TTC22: variants seen among roughly 807,000 people sequenced by gnomAD.
The protein encoded by TTC22 is tetratricopeptide repeat domain 22.
Under a neutral mutation model 48.2 loss-of-function variants are expected in TTC22, and 42 were observed. That is an observed-to-expected ratio of 0.87 (90% CI 0.68 to 1.13). The LOEUF is 1.13. TTC22 is among the 50% of genes most tolerant of loss of function. The probability of loss-of-function intolerance (pLI) is 0.00; values close to 1 mark genes in which losing one functional copy is unlikely to be tolerated. For missense variants in TTC22, 784 were observed against 807.0 expected, an observed-to-expected ratio of 0.97 and a Z score of 0.34; for synonymous variants, 345 against 365.5, an observed-to-expected ratio of 0.94 and a Z score of 0.64.
Position 54,786,141 on chromosome 1 carries a change from T to C in TTC22, c.862A>G (p.Ile288Val). The change falls in exon 5 of 7, where the codon ATT becomes GTT. Residue 288 changes from isoleucine to valine, a missense_variant. Ile to Val is a conservative substitution (Grantham distance 29, BLOSUM62 3). Transcript: ENST00000371276. ...GGAGGTTGGTTCTTGGCAATCTCAA[T>C]GGCCTAGGTAAGGGAGGAGTGCAAA... ...TDPLDCFGKA[I>V]EIAKNQPPIL... 1.2e-6 allele frequency: 2 copies of C among 1,613,936 alleles called. No homozygotes were observed. Among genetic ancestry groups the C allele is most frequent in the South Asian group, 1.1e-5 (1 of 91,066 alleles).
chr1:54,786,177 T>G (rs770234675), intron 4 of TTC22, 33 bp from the exon 5 acceptor site: 2 of 1,607,680 alleles, frequency 1.2e-6, no homozygotes, highest in South Asian at 2.2e-5. Flanking sequence ...AACAAACCAC[T>G]TGCTTGGTCA....
chr1:54,792,324 G>C (rs1412706675), intron 1 of TTC22, among the ~76,000 whole-genome samples: 1 of 152,212 alleles, frequency 6.6e-6, no homozygotes, highest in African/African-American at 2.4e-5. Context: ...GGGATACACA[G>C]ACCTAGTCAG....
At chr1:54,795,165 T>A (rs1476836611) in intron 1 of TTC22, among the ~76,000 whole-genome samples, 9 of 152,176 alleles carry the variant, frequency 5.9e-5, no homozygotes, top group Non-Finnish European at 1.0e-4. Context: ...TGCCTCTCAC[T>A]CCTCTAGGGG....
At chr1:54,798,600 A>C (rs1646410054) in intron 1 of TTC22, among the ~76,000 whole-genome samples, 1 of 152,154 alleles carries the variant, frequency 6.6e-6, no homozygotes, top group Non-Finnish European at 1.5e-5. Context: ...GTCCCTTTGG[A>C]CCATTCCCAG....
chr1:54,788,220 A>T, intron 1 of TTC22, 123 bp from the exon 2 acceptor site: 6 of 914,594 alleles, frequency 6.6e-6, no homozygotes, highest in Middle Eastern at 2.2e-4. Flanking sequence ...TTTGACCTTA[A>T]ACACCTTTGA....
At position 54,801,016 on chromosome 1, in the gene TTC22, G is replaced by T; in HGVS notation, c.148C>A (p.Arg50=). The T allele has an allele frequency of 6.2e-7, 1 of 1,610,364 alleles. No individual in the cohort carries two copies. Among genetic ancestry groups the T allele is most frequent in the Non-Finnish European group, 8.5e-7 (1 of 1,179,194 alleles). Reference sequence around the variant, plus strand: ...TGGAGCTCCTGCCGCAGACCCTCCCGCTGCAGCTTCAGGTCCCGGGCGCGC... The same window carrying T: ...TGGAGCTCCTGCCGCAGACCCTCCCTCTGCAGCTTCAGGTCCCGGGCGCGC... ...PQRARDLKLQ[R]EGLRQELQLA... Residue 50 remains arginine (R), a synonymous_variant, in exon 1 of 7, where the codon CGG becomes AGG. Coordinates refer to ENST00000371276, the MANE Select transcript of TTC22 (RefSeq NM_001114108.2).
At chr1:54,785,921 C>A (rs1646296488) in intron 5 of TTC22, 62 bp downstream of exon 5, 2 of 1,541,890 alleles carry the variant, frequency 1.3e-6, no homozygotes, top group Non-Finnish European at 1.8e-6. Flanking sequence ...AGGGTCTTGG[C>A]CTCTGGCCCT....
At chr1:54,786,288 C>A (rs1251074648) in intron 4 of TTC22, 144 bp from the exon 5 acceptor site, 6 of 700,794 alleles carry the variant, frequency 8.6e-6, no homozygotes, top group Admixed American at 5.8e-5. Flanking sequence ...CCTTATCCAC[C>A]TGCCAGTAAG....
At chr1:54,782,551 C>A in intron 5 of TTC22, 74 bp from the exon 6 acceptor site, 2 of 1,408,906 alleles carry the variant, frequency 1.4e-6, no homozygotes, top group Non-Finnish European at 9.4e-7. Flanking sequence ...TCTAAATGAA[C>A]CCAGTCTTTT....
intron 1 of TTC22, among the ~76,000 whole-genome samples, chr1:54,793,712 T>G (rs1646369541): frequency 6.6e-6 from 1 of 152,204 alleles, no homozygotes; most frequent in African/African-American, 2.4e-5. Flanking sequence ...ATAGCAACTT[T>G]TGAACACTTA....
rs746584424 is a variant in TTC22 at position 54,801,014 on chromosome 1, C to G, written c.150G>C (p.Arg50=). The change falls in exon 1 of 7, where the codon CGG becomes CGC. Residue 50 remains arginine, a synonymous_variant. Coordinates refer to ENST00000371276, the MANE Select transcript of TTC22 (RefSeq NM_001114108.2). The part of the protein sequence containing the change: ...PQRARDLKLQ[R]EGLRQELQLA... ...GCTGGAGCTCCTGCCGCAGACCCTC[C>G]CGCTGCAGCTTCAGGTCCCGGGCGC... is the stretch of plus-strand genomic sequence containing the variant. 9.9e-6 allele frequency: 16 copies of G among 1,610,274 alleles called. No individual in the cohort carries two copies. Among genetic ancestry groups the G allele is most frequent in the African/African-American group, 2.7e-5 (2 of 74,870 alleles).
At chr1:54,797,702 C>T (rs923479532) in intron 1 of TTC22, among the ~76,000 whole-genome samples, 2 of 152,190 alleles carry the variant, frequency 1.3e-5, no homozygotes, top group Admixed American at 6.5e-5. Flanking sequence ...CACACCCCCT[C>T]CCATACAAAC....
Position 54,787,503 on chromosome 1 carries a change from G to A in TTC22, c.739+208C>T, listed in dbSNP as rs1339191363. 1.7e-5 allele frequency: 10 copies of A among 601,098 alleles called. 1 individual carries two copies. The Admixed American group carries it at 2.8e-4, about 17-fold the overall frequency. 37.2% of individuals were successfully genotyped at this position (601,098 alleles called of 1,614,324 possible). A position where few individuals can be genotyped will look rare whatever the true frequency, so the allele number is the denominator to read the frequency against. On this transcript the variant is annotated intron_variant, in intron 3 of 6. Transcript: ENST00000371276. ...CAGGTCATGAGCTGCAGACGGGCAAGCCTGCAGTCACAGTGACTTGTAGTT... is the reference window on the plus strand; with the variant it reads ...CAGGTCATGAGCTGCAGACGGGCAAACCTGCAGTCACAGTGACTTGTAGTT...
chr1:54,792,183 G>A (rs1046497576), intron 1 of TTC22, among the ~76,000 whole-genome samples: 1 of 152,218 alleles, frequency 6.6e-6, no homozygotes, highest in Admixed American at 6.5e-5. Flanking sequence ...TTTCAAAAAA[G>A]TAGCTAATTG....
rs1352633183 is a variant in TTC22 at position 54,781,372 on chromosome 1, C to T, written c.1581G>A (p.Glu527=). The T allele has an allele frequency of 7.9e-6, 11 of 1,391,128 alleles. No homozygotes were observed. Among genetic ancestry groups the T allele is most frequent in the Non-Finnish European group, 1.0e-5 (11 of 1,084,198 alleles). The allele number at this position is 1,391,128 out of a possible 1,614,324, so 86.2% of individuals were successfully genotyped here. Residue 527 remains glutamate (E), a synonymous_variant, in exon 7 of 7, where the codon GAG becomes GAA. Transcript: ENST00000371276. ...CCAGGGCCCGGGCCAGCCCCAACACCTCGTCCGTGTGCCCGCGCCACACGC... is the reference window on the plus strand; with the variant it reads ...CCAGGGCCCGGGCCAGCCCCAACACTTCGTCCGTGTGCCCGCGCCACACGC... ...LQRVWRGHTD[E]VLGLARALVA... is the part of the protein sequence containing the mutation.
At position 54,800,875 on chromosome 1, in the gene TTC22, G is replaced by A. The variant is rs766134349; in HGVS notation, c.289C>T (p.Pro97Ser). Residue 97 changes from proline (P) to serine (S), a missense_variant, in exon 1 of 7, where the codon CCG becomes TCG. Physicochemically the swap from Pro to Ser is moderately conservative, Grantham distance 74. Coordinates refer to ENST00000371276, the MANE Select transcript of TTC22 (RefSeq NM_001114108.2). ...TTGGCCCAGGCATTGAGGTTGCCCG[G>A]GTGCTCGTGGGCCACCTCGAGGAAG... ...ECFLEVAHEH[P>S]GNLNAWANLA... The A allele has an allele frequency of 1.2e-5, 20 of 1,610,406 alleles. No homozygotes were observed. The highest frequency in any genetic ancestry group is 2.2e-5 in the East Asian group (1 of 44,784).
Position 54,782,486 on chromosome 1 carries a change from A to G in TTC22, c.1021-9T>C. 1.3e-6 allele frequency: 2 copies of G among 1,538,998 alleles called. No homozygotes were observed. The highest frequency in any genetic ancestry group is 8.8e-7 in the Non-Finnish European group (1 of 1,139,824). ...TAGGCTCTGATGTGGATCTGCCAAC[A>G]GAGAGCCAGCTTAGGAAAGATGATC... On this transcript the variant is annotated splice_polypyrimidine_tract_variant and intron_variant, in intron 5 of 6. Transcript: ENST00000371276.
rs1323092733 is a variant in TTC22 at position 54,801,038 on chromosome 1, G to T, written c.126C>A (p.Arg42=). 2.5e-6 allele frequency: 4 copies of T among 1,611,924 alleles called. No individual in the cohort carries two copies. The African/African-American group carries it at 4.0e-5, about 16-fold the overall frequency. The change falls in exon 1 of 7, where the codon CGC becomes CGA. Residue 42 remains arginine (R), a synonymous_variant. Coordinates refer to ENST00000371276, the MANE Select transcript of TTC22 (RefSeq NM_001114108.2). ...CCCGCTGCAGCTTCAGGTCCCGGGCGCGCTGTGGGGCCGGCGAGCGCGGCT... is the reference window on the plus strand; with the variant it reads ...CCCGCTGCAGCTTCAGGTCCCGGGCTCGCTGTGGGGCCGGCGAGCGCGGCT... ...NFEPRSPAPQ[R]ARDLKLQREG...
chr1:54,788,019 C>A lies in TTC22; in HGVS notation c.623+23G>T, dbSNP rs779642922. ...ACACCTCTCCCTCTTCCATCCCGTA[C>A]CCCCACCACCCTCTTGCCTGACCTG... On this transcript the variant is annotated intron_variant, in intron 2 of 6. Coordinates refer to ENST00000371276, the MANE Select transcript of TTC22 (RefSeq NM_001114108.2). 34 of 1,611,268 alleles carry A rather than the reference C, an allele frequency of 2.1e-5. No homozygotes were observed. The Admixed American group carries it at 5.7e-4, about 27-fold the overall frequency.
Sources: allele counts gnomAD v4.1 joint callset (sites outside exome capture counted in the v4.1 genomes callset), GRCh38; gene constraint gnomAD v4.1.1; transcripts MANE v1.5; gene names NCBI Gene and HGNC (gene_info 2026-07-23, HGNC 2026-07-21).